Variants in ABTB3 observed in about 807,000 individuals in gnomAD.
ABTB3 encodes the protein ankyrin repeat and BTB domain containing 3.
At chr12:107,556,904 C>T in the ABTB3 span, among the ~76,000 whole-genome samples, 26 of 151,828 alleles carry the variant, frequency 1.7e-4, no homozygotes, top group South Asian at 4.2e-3. Context: ...CCAAGCTACT[C>T]GGGAGGCTGA....
At chr12:107,402,426 T>C in the ABTB3 span, among the ~76,000 whole-genome samples, 5 of 152,174 alleles carry the variant, frequency 3.3e-5, no homozygotes, top group Admixed American at 2.6e-4. Context: ...ATCTGTAAAG[T>C]GGTCCTCCTG....
the ABTB3 span, among the ~76,000 whole-genome samples, chr12:107,336,340 G>T: frequency 6.6e-6 from 1 of 152,170 alleles, no homozygotes; most frequent in Admixed American, 6.5e-5. Context: ...CCACTCAATC[G>T]TCTAATCTGG....
chr12:107,408,799 G>A, the ABTB3 span, among the ~76,000 whole-genome samples: 1 of 152,182 alleles, frequency 6.6e-6, no homozygotes, highest in Non-Finnish European at 1.5e-5. Context: ...CTCTGGCCTC[G>A]GTGACTTTTT....
At chr12:107,481,883 GTC>G in the ABTB3 span, among the ~76,000 whole-genome samples, 8,381 of 108,110 alleles carry the variant, frequency 0.078, 294 homozygotes, top group Admixed American at 0.097. Flanking sequence ...GAAATCAAGA[GTC>G]TCTCTCTCTC....
At chr12:107,654,830 A>ACACACACACACACACG in the ABTB3 span, among the ~76,000 whole-genome samples, 207 of 147,144 alleles carry the variant, frequency 1.4e-3, no homozygotes, top group Non-Finnish European at 1.9e-3. Flanking sequence ...ACACACACAC[A>ACACACACACACACACG]CACACACACA....
the ABTB3 span, among the ~76,000 whole-genome samples, chr12:107,555,710 C>T: frequency 6.6e-6 from 1 of 152,240 alleles, no homozygotes; most frequent in African/African-American, 2.4e-5. Flanking sequence ...CCATGCGCCT[C>T]ATTTCAGATG....
At chr12:107,417,626 T>A in the ABTB3 span, among the ~76,000 whole-genome samples, 1 of 152,254 alleles carries the variant, frequency 6.6e-6, no homozygotes, top group African/African-American at 2.4e-5. Context: ...ATGCCCGTAC[T>A]ATGTATCCCG....
At chr12:107,469,870 C>T in the ABTB3 span, among the ~76,000 whole-genome samples, 1 of 80,258 alleles carries the variant, frequency 1.2e-5, no homozygotes, top group Non-Finnish European at 2.5e-5. Flanking sequence ...TCTTTCTTTT[C>T]TTTCTTTCTT....
chr12:107,451,246 T>C, the ABTB3 span, among the ~76,000 whole-genome samples: 1 of 152,224 alleles, frequency 6.6e-6, no homozygotes, highest in Non-Finnish European at 1.5e-5. Context: ...TTCACTTTGA[T>C]AGCTCTTTTC....
the ABTB3 span, among the ~76,000 whole-genome samples, chr12:107,654,780 C>T: frequency 6.7e-6 from 1 of 149,862 alleles, no homozygotes; most frequent in Non-Finnish European, 1.5e-5. Flanking sequence ...GCTTGGCTAT[C>T]AGTAAATCAA....
the ABTB3 span, among the ~76,000 whole-genome samples, chr12:107,448,269 G>A: frequency 6.6e-6 from 1 of 152,212 alleles, no homozygotes; most frequent in Non-Finnish European, 1.5e-5. Flanking sequence ...GGAGGAGTAA[G>A]TTAAGGTGTG....
At chr12:107,329,320 G>A in the ABTB3 span, among the ~76,000 whole-genome samples, 1 of 152,186 alleles carries the variant, frequency 6.6e-6, no homozygotes, top group South Asian at 2.1e-4. Context: ...GGGCAAGTCA[G>A]TTCATCTTTC....
chr12:107,435,701 G>A, the ABTB3 span, among the ~76,000 whole-genome samples: 1 of 152,306 alleles, frequency 6.6e-6, no homozygotes, highest in African/African-American at 2.4e-5. Flanking sequence ...GAAGCATTTG[G>A]CATGTTTCCA....
At chr12:107,535,423 G>T in the ABTB3 span, among the ~76,000 whole-genome samples, 10 of 152,050 alleles carry the variant, frequency 6.6e-5, no homozygotes, top group African/African-American at 2.2e-4. Context: ...GCCCTAACAA[G>T]CAATTAAGCA....
the ABTB3 span, among the ~76,000 whole-genome samples, chr12:107,607,997 G>T: frequency 2.0e-5 from 3 of 152,124 alleles, no homozygotes; most frequent in East Asian, 1.9e-4. Flanking sequence ...TTCATTAGAG[G>T]CAGGAACAGA....
chr12:107,608,056 A>G, the ABTB3 span, among the ~76,000 whole-genome samples: 1 of 152,130 alleles, frequency 6.6e-6, no homozygotes, highest in Non-Finnish European at 1.5e-5. Flanking sequence ...CCGCCCTCGG[A>G]GTCAGCAAGC....
At chr12:107,518,760 A>C in the ABTB3 span, among the ~76,000 whole-genome samples, 4 of 152,212 alleles carry the variant, frequency 2.6e-5, no homozygotes, top group Admixed American at 6.5e-5. Flanking sequence ...ATAATAAAAA[A>C]TAAATAAATA....
the ABTB3 span, among the ~76,000 whole-genome samples, chr12:107,589,534 C>T: frequency 7.1e-4 from 108 of 152,330 alleles, no homozygotes; most frequent in Non-Finnish European, 1.2e-3. Context: ...AGTTGAACAT[C>T]CATCATTTGC....
At chr12:107,413,800 C>G in the ABTB3 span, among the ~76,000 whole-genome samples, 8 of 152,258 alleles carry the variant, frequency 5.3e-5, no homozygotes, top group East Asian at 1.5e-3. Flanking sequence ...GGGCAGGACT[C>G]AGGAATAAAT....
Sources: allele counts gnomAD v4.1 joint callset (sites outside exome capture counted in the v4.1 genomes callset), GRCh38; gene constraint gnomAD v4.1.1; transcripts MANE v1.5; gene names NCBI Gene and HGNC (gene_info 2026-07-23, HGNC 2026-07-21).